The following RIOX1 variants were observed in gnomAD, a reference collection of about 807,000 sequenced individuals.
RIOX1 encodes the protein ribosomal oxygenase 1.
A neutral mutation model predicts 44.6 loss-of-function variants in RIOX1; 33 were observed. The observed-to-expected ratio is 0.74, with a 90% CI of 0.56 to 0.99. RIOX1 has a LOEUF of 0.99. RIOX1 is among the 50% of genes least tolerant of loss of function. The probability of loss-of-function intolerance (pLI) is 0.00; values close to 1 mark genes in which losing one functional copy is unlikely to be tolerated. For synonymous variants in RIOX1, 387 were observed against 395.8 expected (o/e 0.98, Z 0.26); for missense variants, 821 against 871.7 (o/e 0.94, Z 0.73).
At position 73,491,962 on chromosome 14, in the gene RIOX1, T is replaced by C. The variant is rs1566820319; in HGVS notation, c.945T>C (p.Leu315=). 1.2e-6 allele frequency: 2 copies of C among 1,613,926 alleles called. No individual in the cohort carries two copies. Among genetic ancestry groups the C allele is most frequent in the East Asian group, 2.2e-5 (1 of 44,878 alleles). Residue 315 remains leucine, a synonymous_variant, in exon 1 of 1, where the codon CTT becomes CTC. Coordinates refer to ENST00000304061, the MANE Select transcript of RIOX1 (RefSeq NM_024644.5). The stretch of plus-strand genomic sequence containing the variant: ...CTGTGTGGCAGTTTTTGGCTGTGCT[T>C]CAAGAGCAGTTTGGAAGCATGGCAG... ...STTVWQFLAV[L]QEQFGSMAGS...
chr14:73,493,257 G>A lies in RIOX1; in HGVS notation c.*314G>A. On this transcript the variant is annotated 3_prime_UTR_variant, in exon 1 of 1. Coordinates refer to ENST00000304061, the MANE Select transcript of RIOX1 (RefSeq NM_024644.5). ...ACACTGACCATGTCGTTCTGCTTGA[G>A]ACAGATATTAGATTTTTTTTGGAAT... The A allele has an allele frequency of 4.3e-6, 3 of 699,272 alleles. No homozygotes were observed. The highest frequency in any genetic ancestry group is 7.3e-6 in the Non-Finnish European group (3 of 411,106). 43.3% of individuals were successfully genotyped at this position (699,272 alleles called of 1,614,324 possible). A position where few individuals can be genotyped will look rare whatever the true frequency, so the allele number is the denominator to read the frequency against.
In RIOX1 at chr14:73,491,535, A is replaced by G. The variant is rs1350103486; in HGVS notation, c.518A>G (p.Asp173Gly). 1 of 1,529,810 alleles carries G rather than the reference A, an allele frequency of 6.5e-7. No individual in the cohort carries two copies. The highest frequency in any genetic ancestry group is 2.0e-5 in the Admixed American group (1 of 49,530). 94.8% of individuals were successfully genotyped at this position (1,529,810 alleles called of 1,614,324 possible). A position where few individuals can be genotyped will look rare whatever the true frequency, so the allele number is the denominator to read the frequency against. ...GCGACGGCGTCGGGGCCGCAGGTGG[A>G]TAACACGGGTGGGGAGCCGGCCTGG... The part of the protein sequence containing the change: ...APATASGPQV[D>G]NTGGEPAWDS... Residue 173 changes from aspartate to glycine, a missense_variant, in exon 1 of 1, where the codon GAT becomes GGT. Transcript: ENST00000304061.
chr14:73,491,802 T>C lies in RIOX1; in HGVS notation c.785T>C (p.Leu262Ser), dbSNP rs781351953. 6.3e-7 allele frequency: 1 copy of C among 1,597,142 alleles called. No homozygotes were observed. The highest frequency in any genetic ancestry group is 8.5e-7 in the Non-Finnish European group (1 of 1,172,588). Residue 262 changes from leucine (L) to serine (S), a missense_variant, in exon 1 of 1, where the codon TTG (leucine) becomes TCG (serine). By Grantham distance (145) the Leu-to-Ser change is moderately radical. Transcript: ENST00000304061. ...GAGGAGGTGCAGTTCGGCCAGCATT[T>C]GGACGCCGCTCGCTACATCAACGGA... The part of the protein sequence containing the change: ...RNEEVQFGQH[L>S]DAARYINGRR...
chr14:73,492,016 C>T lies in RIOX1; in HGVS notation c.999C>T (p.Asn333=). Residue 333 remains asparagine, a synonymous_variant, in exon 1 of 1, where the codon AAC becomes AAT. Coordinates refer to ENST00000304061, the MANE Select transcript of RIOX1 (RefSeq NM_024644.5). The surrounding 1 kb of genome is among the most constrained non-coding windows in gnomAD (Gnocchi z 4.9). Reference sequence around the variant, plus strand: ...CCAACGTTTACCTCACGCCCCCTAACTCGCAGGGCTTTGCCCCCCACTACG... The same window carrying T: ...CCAACGTTTACCTCACGCCCCCTAATTCGCAGGGCTTTGCCCCCCACTACG... The part of the protein sequence containing the change: ...AGSNVYLTPP[N]SQGFAPHYDD... 6.2e-7 allele frequency: 1 copy of T among 1,614,042 alleles called. No homozygotes were observed. The highest frequency in any genetic ancestry group is 8.5e-7 in the Non-Finnish European group (1 of 1,179,904).
Position 73,491,016 on chromosome 14 carries a change from C to G in RIOX1, c.-2C>G, listed in dbSNP as rs1382529744. On this transcript the variant is annotated 5_prime_UTR_variant, in exon 1 of 1. Transcript: ENST00000304061. ...GGCGGGGAAGACTGGTGTGGTCTGG[C>G]CATGGATGGGCTCCAGGCCAGTGCA... The G allele has an allele frequency of 6.7e-7, 1 of 1,492,918 alleles. No homozygotes were observed. Among genetic ancestry groups the G allele is most frequent in the Non-Finnish European group, 9.0e-7 (1 of 1,116,938 alleles). The allele number at this position is 1,492,918 out of a possible 1,614,324, so 92.5% of individuals were successfully genotyped here. A position where few individuals can be genotyped will look rare whatever the true frequency, so the allele number is the denominator to read the frequency against.
Position 73,492,387 on chromosome 14 carries a change from A to C in RIOX1, c.1370A>C (p.Asp457Ala), listed in dbSNP as rs1416177223. The change falls in exon 1 of 1, where the codon GAC (aspartate) becomes GCC (alanine). Residue 457 changes from aspartate (D) to alanine (A), a missense_variant. Asp to Ala is a moderately radical substitution (Grantham distance 126, BLOSUM62 -2). Coordinates refer to ENST00000304061, the MANE Select transcript of RIOX1 (RefSeq NM_024644.5). The surrounding 1 kb of genome is among the most constrained non-coding windows in gnomAD (Gnocchi z 4.9). Reference protein sequence around the residue: ...NVEFRRGLPRDFMDYMGAQHS... With the variant: ...NVEFRRGLPRAFMDYMGAQHS... ...GAGTTTCGGAGGGGTCTGCCCCGAGACTTCATGGATTACATGGGGGCCCAG... is the reference window on the plus strand; with the variant it reads ...GAGTTTCGGAGGGGTCTGCCCCGAGCCTTCATGGATTACATGGGGGCCCAG... 1 of 1,613,834 alleles carries C rather than the reference A, an allele frequency of 6.2e-7. No individual in the cohort carries two copies.
Position 73,492,728 on chromosome 14 carries a change from G to A in RIOX1, c.1711G>A (p.Val571Met). The change falls in exon 1 of 1, where the codon GTG (valine) becomes ATG (methionine). Residue 571 changes from valine (V) to methionine (M), a missense_variant. Physicochemically the swap from Val to Met is conservative, Grantham distance 21. This residue lies in a region of RIOX1 where 267 missense variants were observed against 340.5 expected (regional missense o/e 0.78). Transcript: ENST00000304061. The surrounding 1 kb of genome is among the most constrained non-coding windows in gnomAD (Gnocchi z 4.9). ...EGGHLFLYYT[V>M]ENSRVYHLEE... Reference sequence around the variant, plus strand: ...GGGCCATTTGTTTCTCTATTACACAGTGGAAAACTCCCGTGTGTATCATCT... The same window carrying A: ...GGGCCATTTGTTTCTCTATTACACAATGGAAAACTCCCGTGTGTATCATCT... The A allele has an allele frequency of 1.9e-6, 3 of 1,613,952 alleles. No homozygotes were observed. Among genetic ancestry groups the A allele is most frequent in the Non-Finnish European group, 2.5e-6 (3 of 1,179,896 alleles).
In RIOX1 at chr14:73,492,648, C is replaced by T; in HGVS notation, c.1631C>T (p.Thr544Ile). The T allele has an allele frequency of 6.2e-7, 1 of 1,613,980 alleles. No homozygotes were observed. Among genetic ancestry groups the T allele is most frequent in the Non-Finnish European group, 8.5e-7 (1 of 1,179,888 alleles). Residue 544 changes from threonine to isoleucine, a missense_variant, in exon 1 of 1, where the codon ACA becomes ATA. Thr to Ile is a moderately conservative substitution (Grantham distance 89). Around this residue, in one of 2 missense-constraint regions of RIOX1, gnomAD observed 267 missense variants for 340.5 expected, o/e 0.78. Transcript: ENST00000304061. The surrounding 1 kb of genome is among the most constrained non-coding windows in gnomAD (Gnocchi z 4.9). Reference protein sequence around the residue: ...EPVNVGAQLTTETEVHMLQDG... With the variant: ...EPVNVGAQLTIETEVHMLQDG... ...GTAAACGTGGGGGCCCAGTTGACAA[C>T]AGAAACAGAAGTCCATATGCTTCAG... is the stretch of plus-strand genomic sequence containing the variant.
In RIOX1 at chr14:73,491,683, A is replaced by C; in HGVS notation, c.666A>C (p.Leu222=). Reference sequence around the variant, plus strand: ...CGCCAGATCACTTTTACCGGCGCCTATGGGAGCGCGAGGCGGTGCTGGTGC... The same window carrying C: ...CGCCAGATCACTTTTACCGGCGCCTCTGGGAGCGCGAGGCGGTGCTGGTGC... The part of the protein sequence containing the change: ...PMPPDHFYRR[L]WEREAVLVRR... Residue 222 remains leucine, a synonymous_variant, in exon 1 of 1, where the codon CTA becomes CTC. Transcript: ENST00000304061. 6.5e-7 allele frequency: 1 copy of C among 1,549,802 alleles called. No homozygotes were observed. The highest frequency in any genetic ancestry group is 8.7e-7 in the Non-Finnish European group (1 of 1,146,734).
rs376251702 is a variant in RIOX1 at position 73,492,620 on chromosome 14, C to G, written c.1603C>G (p.Pro535Ala). ...GLPIRWEAGE[P>A]VNVGAQLTTE... ...TCCAATTCGCTGGGAGGCTGGAGAA[C>G]CTGTAAACGTGGGGGCCCAGTTGAC... Residue 535 changes from proline to alanine, a missense_variant, in exon 1 of 1, where the codon CCT (proline) becomes GCT (alanine). Pro to Ala is a conservative substitution (Grantham distance 27). Around this residue, in one of 2 missense-constraint regions of RIOX1, gnomAD observed 267 missense variants for 340.5 expected, o/e 0.78. Coordinates refer to ENST00000304061, the MANE Select transcript of RIOX1 (RefSeq NM_024644.5). The surrounding 1 kb of genome is among the most constrained non-coding windows in gnomAD (Gnocchi z 4.9). 2 of 1,613,708 alleles carry G rather than the reference C, an allele frequency of 1.2e-6. No homozygotes were observed. Among genetic ancestry groups the G allele is most frequent in the African/African-American group, 2.7e-5 (2 of 74,850 alleles).
rs200600929 is a variant in RIOX1, at chr14:73,492,924, T to C, written c.1907T>C (p.Met636Thr). ...LYDKGLLLTK[M>T]PLALN ...GATAAGGGGCTGCTGCTCACTAAGA[T>C]GCCTCTAGCCCTAAATTAGTTTCTT... is the stretch of plus-strand genomic sequence containing the variant. The change falls in exon 1 of 1, where the codon ATG becomes ACG. Residue 636 changes from methionine to threonine, a missense_variant. This residue lies in a region of RIOX1 where 267 missense variants were observed against 340.5 expected (regional missense o/e 0.78). Coordinates refer to ENST00000304061, the MANE Select transcript of RIOX1 (RefSeq NM_024644.5). This position sits in a 1 kb window ranked among gnomAD's most constrained non-coding sequence, Gnocchi z 4.9. 578 of 1,613,268 alleles carry C rather than the reference T, an allele frequency of 3.6e-4. No individual in the cohort carries two copies. Among genetic ancestry groups the C allele is most frequent in the Non-Finnish European group, 4.7e-4 (558 of 1,179,758 alleles).
Position 73,491,171 on chromosome 14 carries a change from G to T in RIOX1, c.154G>T (p.Ala52Ser), listed in dbSNP as rs751315976. Residue 52 changes from alanine (A) to serine (S), a missense_variant, in exon 1 of 1, where the codon GCG (alanine) becomes TCG (serine). Physicochemically the swap from Ala to Ser is moderately conservative, Grantham distance 99. Transcript: ENST00000304061. ...QLRSVVSRMA[A>S]LRTQTLPSEN... ...GCGAAGTGTTGTATCCCGCATGGCA[G>T]CGCTGAGGACGCAGACGCTGCCTAG... 73 of 1,602,222 alleles carry T rather than the reference G, an allele frequency of 4.6e-5. No homozygotes were observed. The highest frequency in any genetic ancestry group is 5.9e-5 in the Non-Finnish European group (69 of 1,174,618).
In RIOX1 at chr14:73,491,698, G is replaced by C. The variant is rs1199131733; in HGVS notation, c.681G>C (p.Ala227=). 2 of 1,549,974 alleles carry C rather than the reference G, an allele frequency of 1.3e-6. No individual in the cohort carries two copies. The highest frequency in any genetic ancestry group is 1.7e-6 in the Non-Finnish European group (2 of 1,146,690). ...HFYRRLWERE[A]VLVRRQDHTY... ...ACCGGCGCCTATGGGAGCGCGAGGC[G>C]GTGCTGGTGCGGCGGCAGGACCACA... The change falls in exon 1 of 1, where the codon GCG becomes GCC. Residue 227 remains alanine, a synonymous_variant. Transcript: ENST00000304061.
Position 73,492,196 on chromosome 14 carries a change from T to C in RIOX1, c.1179T>C (p.Pro393=), listed in dbSNP as rs920517839. Reference sequence around the variant, plus strand: ...CGGTGCTGCAGACCGTGCTGGAACCTGGAGATTTGCTGTATTTTCCTCGGG... The same window carrying C: ...CGGTGCTGCAGACCGTGCTGGAACCCGGAGATTTGCTGTATTTTCCTCGGG... The part of the protein sequence containing the change: ...GEPVLQTVLE[P]GDLLYFPRGF... The change falls in exon 1 of 1, where the codon CCT becomes CCC. Residue 393 remains proline (P), a synonymous_variant. Coordinates refer to ENST00000304061, the MANE Select transcript of RIOX1 (RefSeq NM_024644.5). This position sits in a 1 kb window ranked among gnomAD's most constrained non-coding sequence, Gnocchi z 4.9. The C allele has an allele frequency of 6.2e-7, 1 of 1,613,942 alleles. No homozygotes were observed. The highest frequency in any genetic ancestry group is 1.7e-5 in the Admixed American group (1 of 60,004).
Position 73,491,459 on chromosome 14 carries a change from C to T in RIOX1, c.442C>T (p.Leu148=). The change falls in exon 1 of 1, where the codon CTG becomes TTG. Residue 148 remains leucine, a synonymous_variant. Coordinates refer to ENST00000304061, the MANE Select transcript of RIOX1 (RefSeq NM_024644.5). ...GGTCCGGGTGGTGGAGACCTCGGCC[C>T]TGCTGTGCACCGCGCAACACTTAGC... The part of the protein sequence containing the change: ...APVRVVETSA[L]LCTAQHLAAV... The T allele has an allele frequency of 7.0e-7, 1 of 1,428,278 alleles. No homozygotes were observed. Among genetic ancestry groups the T allele is most frequent in the Non-Finnish European group, 9.1e-7 (1 of 1,099,432 alleles). The allele number at this position is 1,428,278 out of a possible 1,614,324, so 88.5% of individuals were successfully genotyped here.
Position 73,492,654 on chromosome 14 carries a change from CAGA to C in RIOX1, c.1640_1642del (p.Glu547del), listed in dbSNP as rs1885853328. On this transcript the variant is annotated inframe_deletion, in exon 1 of 1. Transcript: ENST00000304061. This position sits in a 1 kb window ranked among gnomAD's most constrained non-coding sequence, Gnocchi z 4.9. ...GTGGGGGCCCAGTTGACAACAGAAACAGAAGTCCATATGCTTCAGGATGGGATA... is the reference window on the plus strand; with the variant it reads ...GTGGGGGCCCAGTTGACAACAGAAACAGTCCATATGCTTCAGGATGGGATA... 1.2e-6 allele frequency: 2 copies of C among 1,613,858 alleles called. No homozygotes were observed. Among genetic ancestry groups the C allele is most frequent in the Non-Finnish European group, 1.7e-6 (2 of 1,179,890 alleles).
chr14:73,490,978 C>A lies in RIOX1; in HGVS notation c.-40C>A. The A allele has an allele frequency of 1.5e-6, 2 of 1,319,362 alleles. No homozygotes were observed. The highest frequency in any genetic ancestry group is 2.3e-5 in the South Asian group (1 of 44,050). The allele number at this position is 1,319,362 out of a possible 1,614,324, so 81.7% of individuals were successfully genotyped here. On this transcript the variant is annotated 5_prime_UTR_variant, in exon 1 of 1. Coordinates refer to ENST00000304061, the MANE Select transcript of RIOX1 (RefSeq NM_024644.5). ...CATTCAGGAACCGCTTTAGCTTCGCCCCCGGCCGGCCGGGCGGGGAAGACT... is the reference window on the plus strand; with the variant it reads ...CATTCAGGAACCGCTTTAGCTTCGCACCCGGCCGGCCGGGCGGGGAAGACT...
In RIOX1 at chr14:73,491,733, A is replaced by G. The variant is rs45506292; in HGVS notation, c.716A>G (p.Gln239Arg). The G allele has an allele frequency of 4.4e-3, 6,783 of 1,553,588 alleles. 37 individuals are homozygous for G. Among genetic ancestry groups the G allele is most frequent in the Middle Eastern group, 0.038 (227 of 5,992 alleles). The change falls in exon 1 of 1, where the codon CAG (glutamine) becomes CGG (arginine). Residue 239 changes from glutamine to arginine, a missense_variant. Coordinates refer to ENST00000304061, the MANE Select transcript of RIOX1 (RefSeq NM_024644.5). ...LVRRQDHTYY[Q>R]GLFSTADLDS... ...CGGCGGCAGGACCACACCTACTACC[A>G]GGGACTTTTCTCTACCGCTGACCTG...
In RIOX1 at chr14:73,492,005, A is replaced by G; in HGVS notation, c.988A>G (p.Thr330Ala). Residue 330 changes from threonine (T) to alanine (A), a missense_variant, in exon 1 of 1, where the codon ACG becomes GCG. By Grantham distance (58) the Thr-to-Ala change is moderately conservative. Coordinates refer to ENST00000304061, the MANE Select transcript of RIOX1 (RefSeq NM_024644.5). This position sits in a 1 kb window ranked among gnomAD's most constrained non-coding sequence, Gnocchi z 4.9. ...CATGGCAGGCTCCAACGTTTACCTCACGCCCCCTAACTCGCAGGGCTTTGC... is the reference window on the plus strand; with the variant it reads ...CATGGCAGGCTCCAACGTTTACCTCGCGCCCCCTAACTCGCAGGGCTTTGC... ...GSMAGSNVYL[T>A]PPNSQGFAPH... 6.2e-7 allele frequency: 1 copy of G among 1,613,836 alleles called. No individual in the cohort carries two copies. Among genetic ancestry groups the G allele is most frequent in the South Asian group, 1.1e-5 (1 of 91,080 alleles).
Sources: allele counts gnomAD v4.1 joint callset, GRCh38; gene constraint gnomAD v4.1.1; regional missense constraint gnomAD v4.1.1; non-coding constraint Gnocchi (gnomAD v3.1); transcripts MANE v1.5; gene names NCBI Gene and HGNC (gene_info 2026-07-23, HGNC 2026-07-21).